Variants in NARS2 observed in about 807,000 individuals in gnomAD.
The protein encoded by NARS2 is asparaginyl-tRNA synthetase.
A neutral mutation model predicts 62.9 loss-of-function variants in NARS2; 60 were observed. The observed-to-expected ratio is 0.95, with a 90% CI of 0.77 to 1.18. The LOEUF (loss-of-function observed/expected upper bound fraction) is 1.18, where lower values mean the gene tolerates loss of function less well. NARS2 is among the 50% of genes most tolerant of loss of function. The pLI is 0.00. For missense variants in NARS2, 619 were observed against 576.4 expected (o/e 1.07, Z -0.76); for synonymous variants, 196 against 200.0 (o/e 0.98, Z 0.17).
At chr11:78,549,107 C>G (rs1855989561) in intron 5 of NARS2, among the ~76,000 whole-genome samples, 1 of 152,228 alleles carries the variant, frequency 6.6e-6, no homozygotes, top group South Asian at 2.1e-4. Flanking sequence ...GAGGTGGAGC[C>G]TCCCTTCCTC....
intron 2 of NARS2, among the ~76,000 whole-genome samples, chr11:78,570,189 AG>A (rs1404783609): frequency 6.6e-6 from 1 of 152,118 alleles, no homozygotes; most frequent in South Asian, 2.1e-4. Context: ...GACTCTCTCC[AG>A]GAAAAAAAAA....
rs528565373 is a variant in NARS2, at chr11:78,540,369, T to C, written c.595-11433A>G. On this transcript the variant is annotated intron_variant, in intron 5 of 13. Coordinates refer to ENST00000281038, the MANE Select transcript of NARS2 (RefSeq NM_024678.6). The stretch of plus-strand genomic sequence containing the variant: ...GAGCAGTTTCACAATCTCAGGAGAA[T>C]TAAATAGAAAAACCCACACAAGTCC... Among the ~76,000 whole-genome samples the C allele has an allele frequency of 2.0e-5, 3 of 152,240 alleles. No homozygotes were observed. In the South Asian group the frequency reaches 6.2e-4, roughly 32 times the overall value.
At chr11:78,445,774 A>T (rs1857738402) in intron 11 of NARS2, among the ~76,000 whole-genome samples, 1 of 152,060 alleles carries the variant, frequency 6.6e-6, no homozygotes, top group Admixed American at 6.6e-5. Flanking sequence ...ACACAGCAAG[A>T]CTCCGTCCCT....
intron 9 of NARS2, among the ~76,000 whole-genome samples, chr11:78,475,012 A>T (rs866516490): frequency 2.6e-5 from 4 of 152,242 alleles, no homozygotes; most frequent in Middle Eastern, 6.8e-3. Context: ...ATAAATCCTG[A>T]ACACTTATTC....
chr11:78,553,320 G>A (rs961368774), intron 5 of NARS2, among the ~76,000 whole-genome samples: 4 of 150,610 alleles, frequency 2.7e-5, no homozygotes, highest in Admixed American at 1.3e-4. Context: ...ACAAAATCTC[G>A]CTCTGTTACC....
intron 1 of NARS2, among the ~76,000 whole-genome samples, chr11:78,574,047 T>G (rs1270002665): frequency 6.6e-6 from 1 of 152,170 alleles, no homozygotes; most frequent in Non-Finnish European, 1.5e-5. Context: ...AACCTGGATA[T>G]TCATTATAAG....
At chr11:78,526,100 A>T (rs1861284845) in intron 6 of NARS2, among the ~76,000 whole-genome samples, 1 of 152,202 alleles carries the variant, frequency 6.6e-6, no homozygotes, top group Non-Finnish European at 1.5e-5. Context: ...TGAAATCCAA[A>T]TAAAGTCTAG....
In NARS2 at chr11:78,571,331, T is replaced by C. The variant is rs770122038; in HGVS notation, c.251+4A>G. The stretch of plus-strand genomic sequence containing the variant: ...AAAGAATTCTTTTAAAAAACAAAAC[T>C]CACCTACTGTCAAGGCCTGAATCTG... On this transcript the variant is annotated splice_donor_region_variant and intron_variant, in intron 2 of 13. Coordinates refer to ENST00000281038, the MANE Select transcript of NARS2 (RefSeq NM_024678.6). 1 of 1,595,208 alleles carries C rather than the reference T, an allele frequency of 6.3e-7. No individual in the cohort carries two copies. The highest frequency in any genetic ancestry group is 8.6e-7 in the Non-Finnish European group (1 of 1,163,726).
At chr11:78,528,440 G>A (rs1254344703) in intron 6 of NARS2, among the ~76,000 whole-genome samples, 2 of 152,042 alleles carry the variant, frequency 1.3e-5, no homozygotes, top group Non-Finnish European at 2.9e-5. Context: ...GTAGGTATGA[G>A]TTAATTTTAT....
chr11:78,504,914 G>A (rs1028594567), intron 6 of NARS2, among the ~76,000 whole-genome samples: 5 of 152,032 alleles, frequency 3.3e-5, no homozygotes, highest in Non-Finnish European at 5.9e-5. Context: ...TCTTTAAAGT[G>A]TCCTTGTTTA....
chr11:78,450,140 T>C (rs1169545691), intron 11 of NARS2, among the ~76,000 whole-genome samples: 2 of 152,210 alleles, frequency 1.3e-5, no homozygotes, highest in East Asian at 1.9e-4. Flanking sequence ...GCACAAACTA[T>C]ATGTGCACAT....
chr11:78,537,798 T>C (rs1855420721), intron 5 of NARS2, among the ~76,000 whole-genome samples: 1 of 152,214 alleles, frequency 6.6e-6, no homozygotes, highest in Non-Finnish European at 1.5e-5. Context: ...ATCTTGTCCC[T>C]AATACGTACG....
intron 1 of NARS2, among the ~76,000 whole-genome samples, chr11:78,574,075 GGGGGCT>G (rs1388258695): frequency 1.3e-5 from 2 of 152,186 alleles, no homozygotes; most frequent in Non-Finnish European, 2.9e-5. Flanking sequence ...GATAGAGAAA[GGGGGCT>G]TGTTCATTTA....
At chr11:78,510,322 C>T (rs200095549) in intron 6 of NARS2, among the ~76,000 whole-genome samples, 9 of 152,082 alleles carry the variant, frequency 5.9e-5, no homozygotes, top group African/African-American at 7.2e-5. Flanking sequence ...AAAGAGAGCA[C>T]GGGTGGCTAT....
intron 11 of NARS2, among the ~76,000 whole-genome samples, chr11:78,464,299 A>G (rs978845581): frequency 6.6e-6 from 1 of 152,142 alleles, no homozygotes; most frequent in Non-Finnish European, 1.5e-5. Flanking sequence ...AGTGAGCAGG[A>G]GCAAGATTTA....
chr11:78,437,512 T>C (rs1310334016), intron 13 of NARS2, among the ~76,000 whole-genome samples: 1 of 152,188 alleles, frequency 6.6e-6, no homozygotes, highest in Non-Finnish European at 1.5e-5. Flanking sequence ...CGCACATTCT[T>C]TTCCCACTAA....
intron 5 of NARS2, among the ~76,000 whole-genome samples, chr11:78,539,343 G>C (rs181261939): frequency 6.6e-6 from 1 of 152,124 alleles, no homozygotes; most frequent in Non-Finnish European, 1.5e-5. Flanking sequence ...TTAGATGTGA[G>C]GTTTGGGGAG....
intron 6 of NARS2, among the ~76,000 whole-genome samples, chr11:78,511,081 G>T (rs939951139): frequency 6.6e-6 from 1 of 151,878 alleles, no homozygotes; most frequent in Non-Finnish European, 1.5e-5. Flanking sequence ...TACTGTGGTT[G>T]TTTTTTGTTT....
intron 5 of NARS2, among the ~76,000 whole-genome samples, chr11:78,541,171 A>T (rs546973514): frequency 1.7e-4 from 26 of 152,276 alleles, no homozygotes; most frequent in African/African-American, 4.8e-4. Flanking sequence ...AAAAAAAAAA[A>T]TTTTAATTCA....
Sources: gnomAD v4.1 joint callset for allele counts (sites outside exome capture counted in the v4.1 genomes callset) on GRCh38, gnomAD v4.1.1 for gene constraint, MANE v1.5 for transcripts, NCBI Gene and HGNC (gene_info 2026-07-23, HGNC 2026-07-21) for gene names.